The following SDK2 variants were observed in gnomAD, a reference collection of about 807,000 sequenced individuals.
SDK2 encodes sidekick cell adhesion molecule 2.
In SDK2, 105 loss-of-function variants were observed where a neutral mutation model predicts 253.9. The observed-to-expected ratio is 0.41, with a 90% confidence interval of 0.35 to 0.49. SDK2 has a LOEUF of 0.49. SDK2 is among the 20% of genes least tolerant of loss of function. The probability of loss-of-function intolerance (pLI) is 0.06; values close to 1 mark genes in which losing one functional copy is unlikely to be tolerated. For missense variants in SDK2, 2,608 were observed against 3,003.0 expected, an observed-to-expected ratio of 0.87 and a Z score of 3.07; for synonymous variants, 1,249 against 1,234.9, an observed-to-expected ratio of 1.01 and a Z score of -0.24.
intron 18 of SDK2, among the ~76,000 whole-genome samples, chr17:73,413,701 T>C (rs1183733617): frequency 6.6e-6 from 1 of 152,238 alleles, no homozygotes; most frequent in Non-Finnish European, 1.5e-5. Context: ...AAGCAGGTAT[T>C]ATCATCTTCA....
In SDK2 at chr17:73,598,519, G is replaced by A. The variant is rs77182838; in HGVS notation, c.64+45506C>T. Reference sequence around the variant, plus strand: ...CTGGCTTCCCCTCTGCCCGGCTCTCGTTCCCTGGGGATGCAGCTCTGCTCT... The same window carrying A: ...CTGGCTTCCCCTCTGCCCGGCTCTCATTCCCTGGGGATGCAGCTCTGCTCT... On this transcript the variant is annotated intron_variant, in intron 1 of 44. Coordinates refer to ENST00000392650, the MANE Select transcript of SDK2 (RefSeq NM_001144952.2). 8.4e-3 allele frequency among the ~76,000 whole-genome samples: 1,276 copies of A among 152,294 alleles called. 18 individuals are homozygous for A. Among genetic ancestry groups the A allele is most frequent in the African/African-American group, 0.029 (1,214 of 41,552 alleles).
chr17:73,525,275 G>A (rs771368916), intron 1 of SDK2, among the ~76,000 whole-genome samples: 2 of 152,146 alleles, frequency 1.3e-5, no homozygotes, highest in African/African-American at 2.4e-5. Context: ...GGGGGTGAAC[G>A]CCAGGAGGGT....
chr17:73,464,080 C>T (rs898722155), intron 3 of SDK2, among the ~76,000 whole-genome samples: 1 of 152,166 alleles, frequency 6.6e-6, no homozygotes, highest in African/African-American at 2.4e-5. Flanking sequence ...TGTTGTTTAT[C>T]ATGGAAACAA....
chr17:73,408,047 C>CTTTTTTTTTTT (rs951934202), intron 18 of SDK2, among the ~76,000 whole-genome samples: 1 of 66,240 alleles, frequency 1.5e-5, no homozygotes, highest in Admixed American at 2.0e-4. Context: ...AAAATATTTC[C>CTTTTTTTTTTT]TTTTTTTTTT....
chr17:73,510,535 G>A (rs908493633), intron 1 of SDK2, among the ~76,000 whole-genome samples: 3 of 152,222 alleles, frequency 2.0e-5, no homozygotes, highest in Admixed American at 1.3e-4. Flanking sequence ...GGTCTCGGTC[G>A]GTTGCCTAGG....
intron 1 of SDK2, among the ~76,000 whole-genome samples, chr17:73,596,607 C>A (rs11655894): frequency 0.33 from 49,743 of 151,946 alleles, 8,462 homozygotes; most frequent in African/African-American, 0.42. Context: ...GACATGTCCC[C>A]GGAACCCACA....
intron 30 of SDK2, among the ~76,000 whole-genome samples, chr17:73,387,552 A>C (rs1025112361): frequency 6.6e-6 from 1 of 152,226 alleles, no homozygotes; most frequent in African/African-American, 2.4e-5. Flanking sequence ...ATCACTAATG[A>C]AGGATGACAG....
chr17:73,415,952 T>C lies in SDK2; in HGVS notation c.2227A>G (p.Asn743Asp), dbSNP rs1419019341. 6.2e-7 allele frequency: 1 copy of C among 1,611,790 alleles called. No homozygotes were observed. The highest frequency in any genetic ancestry group is 8.5e-7 in the Non-Finnish European group (1 of 1,179,184). ...AGLPVGYQFK[N>D]ITDADVNNLL... ...TTGTTCACATCAGCATCCGTGATGT[T>C]CTTAAACTGGTACCCCACGGGCAGC... The change falls in exon 17 of 45, where the codon AAC becomes GAC. Residue 743 changes from asparagine to aspartate, a missense_variant. By Grantham distance (23) the Asn-to-Asp change is conservative. Coordinates refer to ENST00000392650, the MANE Select transcript of SDK2 (RefSeq NM_001144952.2).
chr17:73,588,406 A>AG (rs1481903055), intron 1 of SDK2, among the ~76,000 whole-genome samples: 3 of 151,102 alleles, frequency 2.0e-5, no homozygotes, highest in Non-Finnish European at 4.4e-5. Context: ...AAAAAAAAAA[A>AG]AAAAAAGAAA....
At chr17:73,416,739 G>T (rs557029216) in intron 16 of SDK2, among the ~76,000 whole-genome samples, 100 of 151,710 alleles carry the variant, frequency 6.6e-4, no homozygotes, top group Non-Finnish European at 1.2e-3. Context: ...ACAGGCATGC[G>T]CTCCCATGCC....
intron 10 of SDK2, among the ~76,000 whole-genome samples, chr17:73,432,301 G>C (rs1438396717): frequency 6.6e-6 from 1 of 152,106 alleles, no homozygotes; most frequent in Non-Finnish European, 1.5e-5. Flanking sequence ...GCACCTGCAG[G>C]AGTGAGCCTG....
At chr17:73,391,706 G>A (rs1239315520) in intron 27 of SDK2, among the ~76,000 whole-genome samples, 168 bp from the exon 28 acceptor site, 3 of 152,200 alleles carry the variant, frequency 2.0e-5, no homozygotes, top group Middle Eastern at 3.2e-3. Context: ...AGGAGCCAGG[G>A]GCAAGAACGT....
intron 1 of SDK2, among the ~76,000 whole-genome samples, chr17:73,545,198 C>G (rs564037548): frequency 2.6e-5 from 4 of 152,012 alleles, no homozygotes; most frequent in South Asian, 4.2e-4. Flanking sequence ...TTCCCCTCCC[C>G]TGGAAATCCC....
intron 1 of SDK2, among the ~76,000 whole-genome samples, chr17:73,588,204 C>CG (rs1673378342): frequency 6.7e-6 from 1 of 148,534 alleles, no homozygotes; most frequent in African/African-American, 2.5e-5. Context: ...GAGACCCCCC[C>CG]CCCTCCCCCG....
At chr17:73,386,323 A>T in intron 31 of SDK2, 122 bp downstream of exon 31, 2 of 730,570 alleles carry the variant, frequency 2.7e-6, no homozygotes, top group Non-Finnish European at 2.3e-6. Flanking sequence ...CGGGAGCTGA[A>T]GGGCCCAGTG....
intron 16 of SDK2, 64 bp from the exon 17 acceptor site, chr17:73,416,056 A>G: frequency 6.8e-7 from 1 of 1,473,468 alleles, no homozygotes; most frequent in Non-Finnish European, 9.2e-7. Context: ...TACCCAGGAA[A>G]TTGTCCAGAG....
intron 1 of SDK2, among the ~76,000 whole-genome samples, chr17:73,569,179 G>GTTCT (rs1356507514): frequency 1.3e-5 from 2 of 150,542 alleles, no homozygotes; most frequent in East Asian, 1.9e-4. Flanking sequence ...CAAAGCCCAT[G>GTTCT]TTCTTTCTTT....
At chr17:73,422,983 T>A (rs1441003094) in intron 14 of SDK2, among the ~76,000 whole-genome samples, 1 of 151,970 alleles carries the variant, frequency 6.6e-6, no homozygotes, top group Non-Finnish European at 1.5e-5. Context: ...ATGGCACCAT[T>A]GCACTCCAGC....
chr17:73,549,440 A>G (rs776324988), intron 1 of SDK2, among the ~76,000 whole-genome samples: 4 of 152,050 alleles, frequency 2.6e-5, no homozygotes, highest in Non-Finnish European at 4.4e-5. Context: ...TCACCCAAAA[A>G]CCATTCCTGG....
Sources: allele counts gnomAD v4.1 joint callset (sites outside exome capture counted in the v4.1 genomes callset), GRCh38; gene constraint gnomAD v4.1.1; transcripts MANE v1.5; gene names NCBI Gene and HGNC (gene_info 2026-07-23, HGNC 2026-07-21).